Variants in QRICH1 observed in about 807,000 individuals in gnomAD.
QRICH1 encodes the protein transcriptional regulator QRICH1.
QRICH1 carries 16 observed loss-of-function variants against 87.1 expected under a neutral mutation model. The ratio of observed to expected loss-of-function variants is 0.18; its 90% CI spans 0.12 to 0.28. The LOEUF (loss-of-function observed/expected upper bound fraction) is 0.28, where lower values mean the gene tolerates loss of function less well. Ranked by LOEUF, QRICH1 falls within the 10% of genes least tolerant of loss-of-function variation. The pLI, the probability that QRICH1 is intolerant of heterozygous loss-of-function variation, is 1.00. For synonymous variants in QRICH1, 367 were observed against 368.4 expected (o/e 1.00, Z 0.05); for missense variants, 647 against 951.7 (o/e 0.68, Z 4.21).
chr3:49,059,141 A>G, intron 2 of QRICH1, among the ~76,000 whole-genome samples: 1 of 140,448 alleles, frequency 7.1e-6, no homozygotes. Context: ...TTTTTTTTGT[A>G]TTTTTAGTAG....
At chr3:49,068,474 A>AT (rs2106947043) in intron 2 of QRICH1, among the ~76,000 whole-genome samples, 1 of 150,662 alleles carries the variant, frequency 6.6e-6, no homozygotes, top group South Asian at 2.1e-4. Context: ...ATTAAAAAAA[A>AT]AAAAAAAATT....
intron 5 of QRICH1, among the ~76,000 whole-genome samples, chr3:49,046,193 C>A (rs374614176): frequency 2.4e-4 from 37 of 151,106 alleles, no homozygotes; most frequent in Middle Eastern, 6.8e-3. Flanking sequence ...GCTGGGATTA[C>A]AGGCGTGAGC....
chr3:49,060,558 G>A (rs1041844537), intron 2 of QRICH1, among the ~76,000 whole-genome samples: 3 of 151,508 alleles, frequency 2.0e-5, no homozygotes. Flanking sequence ...CAAAACTCCT[G>A]ACCTCAGGTG....
intron 9 of QRICH1, 101 bp downstream of exon 9, chr3:49,032,082 G>A: frequency 1.0e-6 from 1 of 988,070 alleles, no homozygotes; most frequent in Non-Finnish European, 1.6e-6. Flanking sequence ...TTTGGGACTA[G>A]AGAATGCCTC....
chr3:49,043,187 A>C (rs1267660000), intron 6 of QRICH1, among the ~76,000 whole-genome samples: 1 of 152,120 alleles, frequency 6.6e-6, no homozygotes, highest in Non-Finnish European at 1.5e-5. Flanking sequence ...CTGGAAACCT[A>C]AAAGTACTCT....
intron 6 of QRICH1, among the ~76,000 whole-genome samples, chr3:49,042,902 A>G (rs1004544778): frequency 3.3e-5 from 5 of 152,118 alleles, no homozygotes; most frequent in South Asian, 2.1e-4. Flanking sequence ...GGCAGTAAAC[A>G]TTCTATATGA....
In QRICH1 at chr3:49,042,427, T is replaced by C. The variant is rs571039622; in HGVS notation, c.1786+1963A>G. Reference sequence around the variant, plus strand: ...GACACACAGGAATCTTAAAGGCATATTGCTAAATGAAAGGAACAAATCTGA... The same window carrying C: ...GACACACAGGAATCTTAAAGGCATACTGCTAAATGAAAGGAACAAATCTGA... On this transcript the variant is annotated intron_variant, in intron 6 of 9. Transcript: ENST00000395443. Among the ~76,000 whole-genome samples, 3 of 152,048 alleles carry C rather than the reference T, an allele frequency of 2.0e-5. No individual in the cohort carries two copies. In the East Asian group the frequency reaches 5.8e-4, roughly 29 times the overall value.
At chr3:49,031,096 C>G (rs1325913822) in intron 9 of QRICH1, among the ~76,000 whole-genome samples, 2 of 151,252 alleles carry the variant, frequency 1.3e-5, no homozygotes, top group Non-Finnish European at 2.9e-5. Context: ...AAGCGATTCT[C>G]CTGCCTCAGC....
intron 6 of QRICH1, among the ~76,000 whole-genome samples, chr3:49,039,317 A>C (rs1464665109): frequency 6.6e-6 from 1 of 152,134 alleles, no homozygotes; most frequent in East Asian, 1.9e-4. Context: ...AGATCGTGTC[A>C]TTGCGCTCCA....
chr3:49,046,314 G>T, intron 5 of QRICH1, 111 bp downstream of exon 5: 2 of 1,157,702 alleles, frequency 1.7e-6, no homozygotes, highest in Non-Finnish European at 2.4e-6. Flanking sequence ...CTGTATACCT[G>T]AAAGAGAACT....
intron 2 of QRICH1, among the ~76,000 whole-genome samples, chr3:49,073,990 C>T (rs1453494910): frequency 1.3e-5 from 2 of 151,792 alleles, no homozygotes; most frequent in Non-Finnish European, 2.9e-5. Flanking sequence ...GCCATGTTGC[C>T]CAGGCTGGCC....
intron 6 of QRICH1, among the ~76,000 whole-genome samples, chr3:49,040,955 A>C (rs2093306386): frequency 6.6e-6 from 1 of 152,142 alleles, no homozygotes; most frequent in Non-Finnish European, 1.5e-5. Context: ...CAACTCTCTG[A>C]TGACACCTGA....
intron 3 of QRICH1, among the ~76,000 whole-genome samples, chr3:49,048,465 T>G (rs1345131629): frequency 6.8e-6 from 1 of 146,612 alleles, no homozygotes; most frequent in African/African-American, 2.5e-5. Context: ...CTTGAAATCA[T>G]CTGGATTGCT....
intron 3 of QRICH1, among the ~76,000 whole-genome samples, chr3:49,055,573 G>C (rs983447739): frequency 3.3e-5 from 5 of 152,130 alleles, no homozygotes; most frequent in African/African-American, 7.2e-5. Flanking sequence ...ATATTGCCCA[G>C]GCTGATCTCA....
chr3:49,043,605 G>C (rs2093323301), intron 6 of QRICH1, among the ~76,000 whole-genome samples: 1 of 151,734 alleles, frequency 6.6e-6, no homozygotes. Flanking sequence ...GAGGTGGGCA[G>C]ATCACAAAGT....
chr3:49,032,255 G>A lies in QRICH1; in HGVS notation c.2066C>T (p.Ala689Val). The change falls in exon 9 of 10, where the codon GCA (alanine) becomes GTA (valine). Residue 689 changes from alanine (A) to valine (V), a missense_variant. By Grantham distance (64) the Ala-to-Val change is moderately conservative (BLOSUM62 0). Transcript: ENST00000395443. ...TGQKVTDDMY[A>V]EQTENPENPL... is the part of the protein sequence containing the mutation. The stretch of plus-strand genomic sequence containing the variant: ...ATTCTCTGGATTTTCCGTCTGTTCT[G>A]CATACATGTCATCTGTAACTATAAA... 1.2e-6 allele frequency: 2 copies of A among 1,613,134 alleles called. No individual in the cohort carries two copies. The highest frequency in any genetic ancestry group is 1.3e-5 in the African/African-American group (1 of 74,980).
intron 6 of QRICH1, among the ~76,000 whole-genome samples, chr3:49,035,037 C>CT (rs1053850298): frequency 1.3e-5 from 2 of 152,180 alleles, no homozygotes; most frequent in South Asian, 2.1e-4. Context: ...AGTTCTGACT[C>CT]TATTTTTTGT....
chr3:49,030,798 T>TGGTC (rs2106803608), intron 9 of QRICH1, among the ~76,000 whole-genome samples, 154 bp from the exon 10 acceptor site: 2 of 152,282 alleles, frequency 1.3e-5, no homozygotes, highest in Non-Finnish European at 2.9e-5. Context: ...CACTACATCC[T>TGGTC]GGTCCTCCTT....
Position 49,030,279 on chromosome 3 carries a change from T to C in QRICH1, c.*173A>G, listed in dbSNP as rs2093226779. On this transcript the variant is annotated 3_prime_UTR_variant, in exon 10 of 10. Coordinates refer to ENST00000395443, the MANE Select transcript of QRICH1 (RefSeq NM_198880.3). ...TGAGGAGTCTGCCGCAGCAGGTTTA[T>C]GAAGATGCAAAGGGGGCAAAGTTTT... The C allele has an allele frequency of 4.7e-6, 3 of 634,044 alleles. No individual in the cohort carries two copies. The East Asian group carries it at 8.9e-5, about 19-fold the overall frequency. 39.3% of individuals were successfully genotyped at this position (634,044 alleles called of 1,614,324 possible). A position where few individuals can be genotyped will look rare whatever the true frequency, so the allele number is the denominator to read the frequency against.
Sources: gnomAD v4.1 joint callset for allele counts (sites outside exome capture counted in the v4.1 genomes callset) on GRCh38, gnomAD v4.1.1 for gene constraint, MANE v1.5 for transcripts, NCBI Gene and HGNC (gene_info 2026-07-23, HGNC 2026-07-21) for gene names.